EXOC4: variants seen among roughly 807,000 people sequenced by gnomAD.
The protein encoded by EXOC4 is exocyst complex component 4.
A neutral mutation model predicts 107.2 loss-of-function variants in EXOC4; 71 were observed. The observed-to-expected ratio is 0.66, with a 90% CI of 0.55 to 0.81. The LOEUF (loss-of-function observed/expected upper bound fraction) is 0.81, where lower values mean the gene tolerates loss of function less well. EXOC4 is among the 30% of genes least tolerant of loss of function. The probability of loss-of-function intolerance (pLI) is 0.00; values close to 1 mark genes in which losing one functional copy is unlikely to be tolerated. For missense variants in EXOC4, 1,108 were observed against 1,189.6 expected (o/e 0.93, Z 1.01); for synonymous variants, 456 against 441.2 (o/e 1.03, Z -0.42).
At chr7:134,029,800 C>A (rs1163806556) in intron 17 of EXOC4, among the ~76,000 whole-genome samples, 1 of 152,184 alleles carries the variant, frequency 6.6e-6, no homozygotes, top group African/African-American at 2.4e-5. Flanking sequence ...GGATTACAGG[C>A]ATGAGCCACC....
At chr7:133,557,174 C>T (rs1017231115) in intron 9 of EXOC4, among the ~76,000 whole-genome samples, 1 of 152,064 alleles carries the variant, frequency 6.6e-6, no homozygotes, top group African/African-American at 2.4e-5. Flanking sequence ...AGCTTTTGTT[C>T]CACCTGACTT....
At chr7:133,381,858 G>A (rs1796626062) in intron 7 of EXOC4, among the ~76,000 whole-genome samples, 1 of 152,104 alleles carries the variant, frequency 6.6e-6, no homozygotes, top group Non-Finnish European at 1.5e-5. Context: ...TTTGTGTTGG[G>A]TAAGTGGTTC....
At chr7:133,682,272 A>G (rs1485105385) in intron 10 of EXOC4, among the ~76,000 whole-genome samples, 4 of 152,136 alleles carry the variant, frequency 2.6e-5, no homozygotes, top group Admixed American at 2.6e-4. Flanking sequence ...AAAGTTGTAA[A>G]TTTTTGTATT....
rs1047676620 is a variant in EXOC4 at position 133,831,447 on chromosome 7, ATT to A, written c.1734+13906_1734+13907del. Reference sequence around the variant, plus strand: ...TGTCAGTATAGACTTATAGATTTGTATTTTATACTTGGAGTTATAATCCACTT... The same window carrying A: ...TGTCAGTATAGACTTATAGATTTGTATTATACTTGGAGTTATAATCCACTT... On this transcript the variant is annotated intron_variant, in intron 11 of 17. Coordinates refer to ENST00000253861, the MANE Select transcript of EXOC4 (RefSeq NM_021807.4). Among the ~76,000 whole-genome samples the A allele has an allele frequency of 2.0e-5, 3 of 151,992 alleles. 1 individual carries two copies. The highest frequency in any genetic ancestry group is 7.2e-5 in the African/African-American group (3 of 41,396).
intron 9 of EXOC4, among the ~76,000 whole-genome samples, chr7:133,606,167 A>G (rs1227548613): frequency 6.6e-6 from 1 of 152,126 alleles, no homozygotes; most frequent in Non-Finnish European, 1.5e-5. Context: ...CATATTCCTG[A>G]CCATTCCCAT....
At chr7:133,994,844 CT>C (rs1162039449) in intron 14 of EXOC4, among the ~76,000 whole-genome samples, 2 of 151,650 alleles carry the variant, frequency 1.3e-5, no homozygotes, top group Non-Finnish European at 2.9e-5. Flanking sequence ...GTTAGCATTG[CT>C]TTTTTATAGA....
chr7:133,417,133 A>G (rs1313999236), intron 7 of EXOC4, among the ~76,000 whole-genome samples: 1 of 152,224 alleles, frequency 6.6e-6, no homozygotes, highest in East Asian at 1.9e-4. Flanking sequence ...GCAGGGCTGC[A>G]AGGAAAGATT....
At chr7:133,776,727 T>C (rs1375987419) in intron 10 of EXOC4, among the ~76,000 whole-genome samples, 1 of 152,224 alleles carries the variant, frequency 6.6e-6, no homozygotes, top group Admixed American at 6.5e-5. Flanking sequence ...AGCCTATTCA[T>C]ATGCCAAATA....
chr7:133,388,212 A>G (rs1796771877), intron 7 of EXOC4, among the ~76,000 whole-genome samples: 1 of 152,146 alleles, frequency 6.6e-6, no homozygotes, highest in South Asian at 2.1e-4. Flanking sequence ...CAGTTTCAGC[A>G]TTATCAATTT....
chr7:134,092,075 G>A, the EXOC4 span, among the ~76,000 whole-genome samples: 1 of 152,142 alleles, frequency 6.6e-6, no homozygotes, highest in African/African-American at 2.4e-5. Context: ...TAAGGGATAT[G>A]TGACTTTGTC....
intron 6 of EXOC4, among the ~76,000 whole-genome samples, chr7:133,371,614 C>T (rs143801173): frequency 3.9e-5 from 6 of 152,078 alleles, no homozygotes; most frequent in Non-Finnish European, 7.4e-5. Flanking sequence ...ATGAATATAC[C>T]GCATTTTATC....
intron 11 of EXOC4, among the ~76,000 whole-genome samples, chr7:133,853,785 A>G (rs1164383953): frequency 1.3e-5 from 2 of 152,056 alleles, no homozygotes; most frequent in African/African-American, 2.4e-5. Context: ...TAGTGATCCT[A>G]TTCTAGAGAC....
intron 17 of EXOC4, among the ~76,000 whole-genome samples, chr7:134,008,417 A>G (rs1304986981): frequency 6.6e-6 from 1 of 152,200 alleles, no homozygotes; most frequent in African/African-American, 2.4e-5. Flanking sequence ...TAAATATTTC[A>G]TGGTATAAAT....
At position 133,810,416 on chromosome 7, in the gene EXOC4, A is replaced by C. The variant is rs539950284; in HGVS notation, c.1515-6909A>C. Among the ~76,000 whole-genome samples, 6 of 152,280 alleles carry C rather than the reference A, an allele frequency of 3.9e-5. No individual in the cohort carries two copies. In the East Asian group the frequency reaches 1.2e-3, roughly 29 times the overall value. On this transcript the variant is annotated intron_variant, in intron 10 of 17. Transcript: ENST00000253861. Reference sequence around the variant, plus strand: ...TGAAAATATTGGGTGAAATGTTCATAGTGTGTCCTCATGTGTGCATTCCAA... The same window carrying C: ...TGAAAATATTGGGTGAAATGTTCATCGTGTGTCCTCATGTGTGCATTCCAA...
At chr7:133,621,339 A>G (rs1802324904) in intron 9 of EXOC4, among the ~76,000 whole-genome samples, 1 of 152,138 alleles carries the variant, frequency 6.6e-6, no homozygotes, top group East Asian at 1.9e-4. Flanking sequence ...ATTCATTGTT[A>G]TTTAGGAGCT....
chr7:134,033,345 A>C (rs959257902), intron 17 of EXOC4, among the ~76,000 whole-genome samples: 5 of 152,204 alleles, frequency 3.3e-5, no homozygotes, highest in African/African-American at 1.2e-4. Flanking sequence ...ATATTTAGGG[A>C]AAGTCAAGAC....
chr7:133,983,791 C>T (rs1465561720), intron 14 of EXOC4, among the ~76,000 whole-genome samples: 1 of 152,080 alleles, frequency 6.6e-6, no homozygotes, highest in African/African-American at 2.4e-5. Context: ...TACAGAAATA[C>T]AAAAGGCTTA....
At chr7:133,741,095 G>A (rs574312042) in intron 10 of EXOC4, among the ~76,000 whole-genome samples, 99 of 152,218 alleles carry the variant, frequency 6.5e-4, no homozygotes, top group Admixed American at 9.2e-4. Flanking sequence ...TTCAATTATC[G>A]CATGTGTAGA....
chr7:133,419,048 AGT>A (rs879896622), intron 7 of EXOC4, among the ~76,000 whole-genome samples: 4 of 152,186 alleles, frequency 2.6e-5, no homozygotes, highest in Non-Finnish European at 5.9e-5. Context: ...GAATTCAAGG[AGT>A]GTTGTACAGC....
Sources: allele counts gnomAD v4.1 joint callset (sites outside exome capture counted in the v4.1 genomes callset), GRCh38; gene constraint gnomAD v4.1.1; transcripts MANE v1.5; gene names NCBI Gene and HGNC (gene_info 2026-07-23, HGNC 2026-07-21).